Variants in GABRG1 observed in about 807,000 individuals in gnomAD.
GABRG1 encodes gamma-aminobutyric acid type A receptor subunit gamma1.
Under a neutral mutation model 49.8 loss-of-function variants are expected in GABRG1, and 49 were observed. The ratio of observed to expected loss-of-function variants is 0.98; its 90% CI spans 0.78 to 1.25. GABRG1 has a LOEUF of 1.25. Among genes scored for constraint, GABRG1 ranks in the 50% most tolerant of loss-of-function variants. GABRG1 has a pLI of 0.00. For missense variants in GABRG1, 552 were observed against 552.3 expected, an observed-to-expected ratio of 1.00 and a Z score of 0.01; for synonymous variants, 232 against 185.1, an observed-to-expected ratio of 1.25 and a Z score of -2.06.
intron 3 of GABRG1, among the ~76,000 whole-genome samples, chr4:46,069,583 C>T (rs1459616272): frequency 6.6e-6 from 1 of 152,070 alleles, no homozygotes; most frequent in African/African-American, 2.4e-5. Flanking sequence ...ATCAGCAATA[C>T]AGGAGAGAGA....
rs529089721 is a variant in GABRG1, at chr4:46,093,171, C to T, written c.253+4030G>A. On this transcript the variant is annotated intron_variant, in intron 2 of 8. Transcript: ENST00000295452. The stretch of plus-strand genomic sequence containing the variant: ...TTATAGCAAAATGTATTCTACAGAC[C>T]AGAAAGATTGTTTCCTAATGATAAA... Among the ~76,000 whole-genome samples, 2 of 150,728 alleles carry T rather than the reference C, an allele frequency of 1.3e-5. 1 individual carries two copies. Among genetic ancestry groups the T allele is most frequent in the South Asian group, 4.2e-4 (2 of 4,764 alleles).
chr4:46,064,377 A>G (rs910731954), intron 5 of GABRG1, 64 bp downstream of exon 5: 13 of 865,556 alleles, frequency 1.5e-5, no homozygotes, highest in Middle Eastern at 3.2e-4. Context: ...CTTTCTTTTC[A>G]TTTTTAAATA....
At chr4:46,111,530 G>C (rs1052991383) in intron 1 of GABRG1, among the ~76,000 whole-genome samples, 1 of 151,144 alleles carries the variant, frequency 6.6e-6, no homozygotes, top group African/African-American at 2.4e-5. Context: ...AGCCCAAATA[G>C]CCAAAGCAAC....
At chr4:46,079,836 A>G (rs1719500677) in intron 3 of GABRG1, among the ~76,000 whole-genome samples, 1 of 151,936 alleles carries the variant, frequency 6.6e-6, no homozygotes. Flanking sequence ...TCAGAAGAGT[A>G]AAGATACATA....
At position 46,035,841 on chromosome 4, in the gene GABRG1, A is replaced by T. The variant is rs1717497656; in HGVS notation, c.*5147T>A. ...TTTGTTCTAAGGATCATGAGAGTAA[A>T]GAACACTGAAAAATTGAGACACCTT... On this transcript the variant is annotated 3_prime_UTR_variant, in exon 9 of 9. Coordinates refer to ENST00000295452, the MANE Select transcript of GABRG1 (RefSeq NM_173536.4). 6.6e-6 allele frequency: 1 copy of T among 152,022 alleles called. No individual in the cohort carries two copies. The highest frequency in any genetic ancestry group is 1.5e-5 in the Non-Finnish European group (1 of 67,916). 9.4% of individuals were successfully genotyped at this position (152,022 alleles called of 1,614,324 possible). A position where few individuals can be genotyped will look rare whatever the true frequency, so the allele number is the denominator to read the frequency against.
intron 1 of GABRG1, among the ~76,000 whole-genome samples, chr4:46,102,556 T>C (rs1720416163): frequency 6.6e-6 from 1 of 151,802 alleles, no homozygotes; most frequent in South Asian, 2.1e-4. Flanking sequence ...CAAGCATTTC[T>C]CTCTTACAAG....
chr4:46,062,934 C>T (rs1340622958), intron 5 of GABRG1, among the ~76,000 whole-genome samples: 3 of 151,608 alleles, frequency 2.0e-5, no homozygotes, highest in Admixed American at 6.6e-5. Flanking sequence ...TCAAAGAGAA[C>T]AAAATACTTA....
intron 7 of GABRG1, among the ~76,000 whole-genome samples, chr4:46,056,442 C>T (rs1349053140): frequency 6.6e-6 from 1 of 151,942 alleles, no homozygotes; most frequent in East Asian, 1.9e-4. Context: ...TGGGTCACTG[C>T]TCAAATGCCA....
In GABRG1 at chr4:46,118,008, G is replaced by T. The variant is rs573327002; in HGVS notation, c.104+5802C>A. Among the ~76,000 whole-genome samples the T allele has an allele frequency of 9.7e-5, 11 of 113,250 alleles. No homozygotes were observed. In the East Asian group the frequency reaches 2.6e-3, roughly 26 times the overall value. 74.3% of individuals were successfully genotyped at this position (113,250 alleles called of 152,430 possible). A position where few individuals can be genotyped will look rare whatever the true frequency, so the allele number is the denominator to read the frequency against. ...TGTATCTATATACATATATACATAT[G>T]TATACATGTGTATCTATATACATAT... On this transcript the variant is annotated intron_variant, in intron 1 of 8. Transcript: ENST00000295452.
Position 46,039,223 on chromosome 4 carries a change from A to G in GABRG1, c.*1765T>C, listed in dbSNP as rs1042484385. ...TCTGTAAATGAATATATAGATGGCC[A>G]AAGTTTAGTTTGGCTGTTCATTCAA... On this transcript the variant is annotated 3_prime_UTR_variant, in exon 9 of 9. Transcript: ENST00000295452. 14 of 151,686 alleles carry G rather than the reference A, an allele frequency of 9.2e-5. No homozygotes were observed. Among genetic ancestry groups the G allele is most frequent in the African/African-American group, 3.1e-4 (13 of 41,388 alleles). 9.4% of individuals were successfully genotyped at this position (151,686 alleles called of 1,614,324 possible). A position where few individuals can be genotyped will look rare whatever the true frequency, so the allele number is the denominator to read the frequency against.
chr4:46,068,187 A>C (rs1222075308), intron 3 of GABRG1, among the ~76,000 whole-genome samples: 3 of 152,178 alleles, frequency 2.0e-5, no homozygotes, highest in African/African-American at 4.8e-5. Flanking sequence ...AAGAGCATTT[A>C]GTCAACTTTA....
chr4:46,066,884 ATG>A (rs1233797495), intron 3 of GABRG1, among the ~76,000 whole-genome samples: 2 of 151,238 alleles, frequency 1.3e-5, no homozygotes, highest in African/African-American at 4.9e-5. Flanking sequence ...GCGTGTATAT[ATG>A]TGTGTGTATA....
intron 1 of GABRG1, among the ~76,000 whole-genome samples, chr4:46,123,241 G>C (rs983857303): frequency 6.6e-6 from 1 of 150,904 alleles, no homozygotes; most frequent in Admixed American, 6.6e-5. Context: ...AAATATACAC[G>C]GTCAGTTTTT....
At chr4:46,112,399 G>A (rs188869185) in intron 1 of GABRG1, among the ~76,000 whole-genome samples, 1 of 151,516 alleles carries the variant, frequency 6.6e-6, no homozygotes, top group Admixed American at 6.6e-5. Flanking sequence ...ATGCAAAATA[G>A]TTCTGCCAAT....
intron 1 of GABRG1, among the ~76,000 whole-genome samples, chr4:46,120,462 A>T (rs1348020683): frequency 6.6e-6 from 1 of 151,766 alleles, no homozygotes; most frequent in Non-Finnish European, 1.5e-5. Context: ...TGGATAAACT[A>T]AAAGACTCTG....
At chr4:46,121,638 A>AGAAAACAGTATATGATACATCTTAG (rs1721092544) in intron 1 of GABRG1, among the ~76,000 whole-genome samples, 1 of 152,028 alleles carries the variant, frequency 6.6e-6, no homozygotes. Context: ...ATGCATCTTA[A>AGAAAACAGTATATGATACATCTTAG]AGAAAGCATG....
intron 2 of GABRG1, among the ~76,000 whole-genome samples, chr4:46,087,943 T>C (rs1006124841): frequency 1.3e-5 from 2 of 152,032 alleles, no homozygotes; most frequent in African/African-American, 4.8e-5. Context: ...AGTAGAAACA[T>C]ATGGCTGTTT....
intron 1 of GABRG1, among the ~76,000 whole-genome samples, chr4:46,107,970 G>T (rs1440981801): frequency 6.6e-6 from 1 of 151,090 alleles, no homozygotes; most frequent in East Asian, 2.0e-4. Context: ...AAAAATCTAT[G>T]CTAGAGGACA....
At chr4:46,076,762 C>T (rs565785047) in intron 3 of GABRG1, among the ~76,000 whole-genome samples, 4 of 151,678 alleles carry the variant, frequency 2.6e-5, no homozygotes, top group African/African-American at 9.7e-5. Context: ...AAATTGTAAC[C>T]AATTCAAGAC....
Sources: allele counts gnomAD v4.1 joint callset (sites outside exome capture counted in the v4.1 genomes callset), GRCh38; gene constraint gnomAD v4.1.1; transcripts MANE v1.5; gene names NCBI Gene and HGNC (gene_info 2026-07-23, HGNC 2026-07-21).